The following SLC30A3 variants were observed in gnomAD, a reference collection of about 807,000 sequenced individuals.
The protein encoded by SLC30A3 is solute carrier family 30 member 3.
Under a neutral mutation model 35.6 loss-of-function variants are expected in SLC30A3, and 20 were observed. That is an observed-to-expected ratio of 0.56 (90% CI 0.39 to 0.82). The LOEUF (loss-of-function observed/expected upper bound fraction) is 0.82. Ranked by LOEUF, SLC30A3 falls within the 40% of genes least tolerant of loss-of-function variation. SLC30A3 has a pLI of 0.00. For synonymous variants in SLC30A3, 217 were observed against 224.7 expected (o/e 0.97, Z 0.31); for missense variants, 401 against 530.6 (o/e 0.76, Z 2.40).
chr2:27,274,980 T>A lies in SLC30A3; in HGVS notation c.-159+197A>T, dbSNP rs567903482. On this transcript the variant is annotated intron_variant, in intron 1 of 5. Coordinates refer to the SLC30A3 transcript ENST00000424577. ...CATCATTACGATATACTAGGAGAAA[T>A]GCTTTGACAGACGAAGTGGGAACAA... Among the ~76,000 whole-genome samples, 4 of 152,278 alleles carry A rather than the reference T, an allele frequency of 2.6e-5. 1 individual carries two copies. The highest frequency in any genetic ancestry group is 9.6e-5 in the African/African-American group (4 of 41,532).
intron 1 of SLC30A3, among the ~76,000 whole-genome samples, chr2:27,261,292 G>C (rs1677170684): frequency 6.6e-6 from 1 of 152,214 alleles, no homozygotes; most frequent in African/African-American, 2.4e-5. Flanking sequence ...ATGGGAGGAA[G>C]AGAGGAGAAG....
chr2:27,262,346 G>A lies in SLC30A3; in HGVS notation c.95+466C>T, dbSNP rs546651396. Among the ~76,000 whole-genome samples, 118 of 151,918 alleles carry A rather than the reference G, an allele frequency of 7.8e-4. 1 individual carries two copies. The highest frequency in any genetic ancestry group is 2.7e-3 in the African/African-American group (114 of 41,506). ...GGAGCCCGGCCCATCCTCGGGCCCC[G>A]GCGCCCACAGCTGGCCGCGGCTGGA... On this transcript the variant is annotated intron_variant, in intron 1 of 7. Transcript: ENST00000233535. This position sits in a 1 kb window ranked among gnomAD's most constrained non-coding sequence, Gnocchi z 7.5.
rs2148119539 is a variant in SLC30A3 at position 27,256,867 on chromosome 2, G to A, written c.804C>T (p.Ile268=). 6.2e-7 allele frequency: 1 copy of A among 1,607,306 alleles called. No homozygotes were observed. Among genetic ancestry groups the A allele is most frequent in the Non-Finnish European group, 8.5e-7 (1 of 1,178,510 alleles). The change falls in exon 6 of 8, where the codon ATC becomes ATT. Residue 268 remains isoleucine, a synonymous_variant. Coordinates refer to ENST00000233535, the MANE Select transcript of SLC30A3 (RefSeq NM_003459.5). The part of the protein sequence containing the change: ...FKPQYKAADP[I]STFLFSICAL... ...CACAGATGGAGAAGAGGAAGGTGCT[G>A]ATGGGGTCGGCTGCCTTGTATTGAG...
chr2:27,255,482 C>T lies in SLC30A3; in HGVS notation c.1019-22G>A, dbSNP rs183603898. On this transcript the variant is annotated intron_variant, in intron 7 of 7. Coordinates refer to ENST00000233535, the MANE Select transcript of SLC30A3 (RefSeq NM_003459.5). This position sits in a 1 kb window ranked among gnomAD's most constrained non-coding sequence, Gnocchi z 5.2. ...GAGTCTGTGGGAGAGTGATAAGAGG[C>T]GGCATCCATCCCGGGGGAGAAAGAA... 2,451 of 1,609,718 alleles carry T rather than the reference C, an allele frequency of 1.5e-3. 3 individuals carry two copies. The highest frequency in any genetic ancestry group is 1.9e-3 in the Non-Finnish European group (2,205 of 1,178,510).
At position 27,258,543 on chromosome 2, in the gene SLC30A3, C is replaced by A. The variant is rs74812870; in HGVS notation, c.277+210G>T. ...AAATAGGGTTTTTAAAAGAAGTCAG[C>A]CCTGACCTACTGGCCCCGGACCTCG... On this transcript the variant is annotated intron_variant, in intron 2 of 7. Transcript: ENST00000233535. The surrounding 1 kb of genome is among the most constrained non-coding windows in gnomAD (Gnocchi z 4.0). 554 of 666,698 alleles carry A rather than the reference C, an allele frequency of 8.3e-4. 3 individuals carry two copies. In the East Asian group the frequency reaches 0.016, roughly 19 times the overall value. The allele number at this position is 666,698 out of a possible 1,614,324, so 41.3% of individuals were successfully genotyped here.
rs1677725215 is a variant in SLC30A3 at position 27,271,530 on chromosome 2, G to C, written c.-159+3647C>G. ...GACATCAACCCTGTGAAATGGCACA[G>C]GTTTTTATAGAAGAGGAAAAATAGA... On this transcript the variant is annotated intron_variant, in intron 1 of 5. Coordinates refer to the SLC30A3 transcript ENST00000424577. This position sits in a 1 kb window ranked among gnomAD's most constrained non-coding sequence, Gnocchi z 4.3. Among the ~76,000 whole-genome samples, 1 of 152,212 alleles carries C rather than the reference G, an allele frequency of 6.6e-6. No individual in the cohort carries two copies. The highest frequency in any genetic ancestry group is 6.5e-5 in the Admixed American group (1 of 15,282).
At position 27,262,950 on chromosome 2, in the gene SLC30A3, A is replaced by C. The variant is rs1677296879; in HGVS notation, c.-44T>G. On this transcript the variant is annotated 5_prime_UTR_variant, in exon 1 of 8. Transcript: ENST00000233535. The surrounding 1 kb of genome is among the most constrained non-coding windows in gnomAD (Gnocchi z 7.5). ...GTCTAGGCCCCACCGAGGAAGAGAGAGGCCGGGCCGGCCCCGCGCCAAGTC... is the reference window on the plus strand; with the variant it reads ...GTCTAGGCCCCACCGAGGAAGAGAGCGGCCGGGCCGGCCCCGCGCCAAGTC... The C allele has an allele frequency of 6.8e-7, 1 of 1,481,460 alleles. No individual in the cohort carries two copies. The highest frequency in any genetic ancestry group is 8.9e-7 in the Non-Finnish European group (1 of 1,126,596). 91.8% of individuals were successfully genotyped at this position (1,481,460 alleles called of 1,614,324 possible).
upstream of SLC30A3, chr2:27,264,021 TG>T (rs766566190): frequency 2.9e-5 from 37 of 1,288,272 alleles, no homozygotes; most frequent in South Asian, 4.1e-4. This position sits in a 1 kb window ranked among gnomAD's most constrained non-coding sequence, Gnocchi z 6.1. Flanking sequence ...GCAAAGTCGG[TG>T]GCCGAGCCTC....
At chr2:27,270,364 A>T (rs1280460598) in intron 1 of SLC30A3, among the ~76,000 whole-genome samples, 1 of 152,164 alleles carries the variant, frequency 6.6e-6, no homozygotes, top group Non-Finnish European at 1.5e-5. Flanking sequence ...AGAGGGCAGC[A>T]TGACGGCACT....
upstream of SLC30A3, chr2:27,264,265 CCTGAA>C: frequency 2.7e-6 from 1 of 367,878 alleles, no homozygotes; most frequent in Non-Finnish European, 5.5e-6. The surrounding 1 kb of genome is among the most constrained non-coding windows in gnomAD (Gnocchi z 6.1). Flanking sequence ...CACTGGGCGT[CCTGAA>C]CTTAGGCTTC....
chr2:27,264,723 C>T (rs998183887), upstream of SLC30A3, among the ~76,000 whole-genome samples: 4 of 152,232 alleles, frequency 2.6e-5, no homozygotes, highest in African/African-American at 7.2e-5. This position sits in a 1 kb window ranked among gnomAD's most constrained non-coding sequence, Gnocchi z 6.1. Flanking sequence ...CCTCTAACCT[C>T]CCTTTAAGGC....
chr2:27,268,850 G>C (rs1053254939), intron 1 of SLC30A3, among the ~76,000 whole-genome samples: 3 of 152,198 alleles, frequency 2.0e-5, no homozygotes, highest in Non-Finnish European at 4.4e-5. Context: ...GTGATGCTGT[G>C]AGCAAAGTAG....
upstream of SLC30A3, among the ~76,000 whole-genome samples, chr2:27,267,878 T>G (rs181372982): frequency 7.3e-5 from 11 of 150,482 alleles, no homozygotes; most frequent in Admixed American, 6.0e-4. Flanking sequence ...GAGGTTGCAG[T>G]GAGCCGAGAT....
chr2:27,269,231 G>C (rs1024180565), intron 1 of SLC30A3, among the ~76,000 whole-genome samples: 8 of 133,396 alleles, frequency 6.0e-5, no homozygotes, highest in African/African-American at 2.3e-4. Context: ...TTTGGAGACA[G>C]AGTCTTGCTC....
rs1319938681 is a variant in SLC30A3 at position 27,262,977 on chromosome 2, G to A, written c.-71C>T. ...GCCGGGCCGGCCCCGCGCCAAGTCC[G>A]AGCAGCCCGCCGACCCCCGGGATCC... On this transcript the variant is annotated 5_prime_UTR_variant, in exon 1 of 8. Transcript: ENST00000233535. This position sits in a 1 kb window ranked among gnomAD's most constrained non-coding sequence, Gnocchi z 7.5. 2 of 1,434,998 alleles carry A rather than the reference G, an allele frequency of 1.4e-6. No homozygotes were observed. The highest frequency in any genetic ancestry group is 1.4e-5 in the South Asian group (1 of 69,462). 88.9% of individuals were successfully genotyped at this position (1,434,998 alleles called of 1,614,324 possible). A position where few individuals can be genotyped will look rare whatever the true frequency, so the allele number is the denominator to read the frequency against.
rs574895205 is a variant in SLC30A3, at chr2:27,254,837, C to G, written c.*475G>C. 1 of 298,172 alleles carries G rather than the reference C, an allele frequency of 3.4e-6. No individual in the cohort carries two copies. The highest frequency in any genetic ancestry group is 2.2e-5 in the African/African-American group (1 of 44,912). The allele number at this position is 298,172 out of a possible 1,614,324, so 18.5% of individuals were successfully genotyped here. On this transcript the variant is annotated 3_prime_UTR_variant, in exon 8 of 8. Transcript: ENST00000233535. Reference sequence around the variant, plus strand: ...AGGGCTAAGACACACGGACAAAGTGCGGGCTTTGGGGCCCCTGCATAGACA... The same window carrying G: ...AGGGCTAAGACACACGGACAAAGTGGGGGCTTTGGGGCCCCTGCATAGACA...
At position 27,257,040 on chromosome 2, in the gene SLC30A3, G is replaced by A. The variant is rs1040576433; in HGVS notation, c.777+114C>T. On this transcript the variant is annotated intron_variant, in intron 5 of 7. Coordinates refer to ENST00000233535, the MANE Select transcript of SLC30A3 (RefSeq NM_003459.5). The surrounding 1 kb of genome is among the most constrained non-coding windows in gnomAD (Gnocchi z 4.7). Reference sequence around the variant, plus strand: ...TGACTCATGTCTGGGAGAGTCCTGGGAGGTGGGAGGGAGGAGCTGGAGGGA... The same window carrying A: ...TGACTCATGTCTGGGAGAGTCCTGGAAGGTGGGAGGGAGGAGCTGGAGGGA... The A allele has an allele frequency of 1.4e-5, 17 of 1,204,952 alleles. No individual in the cohort carries two copies. The highest frequency in any genetic ancestry group is 2.1e-5 in the Non-Finnish European group (17 of 814,970). 74.6% of individuals were successfully genotyped at this position (1,204,952 alleles called of 1,614,324 possible). A position where few individuals can be genotyped will look rare whatever the true frequency, so the allele number is the denominator to read the frequency against.
upstream of SLC30A3, chr2:27,275,390 G>A: frequency 2.4e-6 from 1 of 409,596 alleles, no homozygotes; most frequent in South Asian, 1.9e-5. Context: ...GGGCCAATGT[G>A]GCCTCCCCAC....
chr2:27,255,524 T>G lies in SLC30A3; in HGVS notation c.1019-64A>C. ...GAGAAAGAACAGGCAGGGACTGAGATAAGGACAGGGAAAGGGGCTGCACAG... is the reference window on the plus strand; with the variant it reads ...GAGAAAGAACAGGCAGGGACTGAGAGAAGGACAGGGAAAGGGGCTGCACAG... On this transcript the variant is annotated intron_variant, in intron 7 of 7. Transcript: ENST00000233535. The surrounding 1 kb of genome is among the most constrained non-coding windows in gnomAD (Gnocchi z 5.2). The G allele has an allele frequency of 1.9e-6, 3 of 1,570,648 alleles. No homozygotes were observed. Among genetic ancestry groups the G allele is most frequent in the Non-Finnish European group, 2.6e-6 (3 of 1,152,662 alleles).
Sources: gnomAD v4.1 joint callset for allele counts (sites outside exome capture counted in the v4.1 genomes callset) on GRCh38, gnomAD v4.1.1 for gene constraint, Gnocchi (gnomAD v3.1) non-coding constraint, MANE v1.5 for transcripts, NCBI Gene and HGNC (gene_info 2026-07-23, HGNC 2026-07-21) for gene names.